The following CCDC148 variants were observed in gnomAD, a reference collection of about 807,000 sequenced individuals.
CCDC148 encodes coiled-coil domain-containing protein 148.
A neutral mutation model predicts 85.7 loss-of-function variants in CCDC148; 89 were observed. That is an observed-to-expected ratio of 1.04 (90% CI 0.87 to 1.24). CCDC148 has a LOEUF of 1.24. Among genes scored for constraint, CCDC148 ranks in the 50% most tolerant of loss-of-function variants. The pLI is 0.00. For synonymous variants in CCDC148, 230 were observed against 213.9 expected, an observed-to-expected ratio of 1.08 and a Z score of -0.66; for missense variants, 692 against 671.7, an observed-to-expected ratio of 1.03 and a Z score of -0.33.
chr2:158,297,045 A>C (rs1691222282), intron 9 of CCDC148, among the ~76,000 whole-genome samples: 1 of 152,200 alleles, frequency 6.6e-6, no homozygotes, highest in Non-Finnish European at 1.5e-5. Flanking sequence ...GGAAGCCGAT[A>C]ATGCAAGAAA....
intron 1 of CCDC148, among the ~76,000 whole-genome samples, chr2:158,441,853 T>C (rs913914974): frequency 4.6e-5 from 7 of 152,194 alleles, no homozygotes; most frequent in Admixed American, 2.0e-4. Context: ...CTAAGTACCA[T>C]TGAATTTTAA....
chr2:158,262,713 T>C (rs1395995621), intron 9 of CCDC148, among the ~76,000 whole-genome samples: 1 of 151,738 alleles, frequency 6.6e-6, no homozygotes, highest in Non-Finnish European at 1.5e-5. Context: ...CCATCAGATC[T>C]CATGAGAACT....
chr2:158,348,763 A>G (rs1462911659), intron 2 of CCDC148, among the ~76,000 whole-genome samples: 1 of 152,098 alleles, frequency 6.6e-6, no homozygotes, highest in Non-Finnish European at 1.5e-5. Flanking sequence ...ATGATGTGAC[A>G]TGGAGATTCA....
chr2:158,418,106 T>G lies in CCDC148; in HGVS notation c.25+38309A>C, dbSNP rs570802243. 9.5e-4 allele frequency among the ~76,000 whole-genome samples: 144 copies of G among 152,142 alleles called. 1 individual carries two copies. The highest frequency in any genetic ancestry group is 3.4e-3 in the African/African-American group (141 of 41,538). ...GTAAAAATCCCTTGAGTGTTTTTTT[T>G]TTTAGTTTTCTGGAAAGAACATCAC... On this transcript the variant is annotated intron_variant, in intron 1 of 13. Coordinates refer to ENST00000283233, the MANE Select transcript of CCDC148 (RefSeq NM_138803.4).
At chr2:158,332,646 G>A (rs1412790345) in intron 7 of CCDC148, among the ~76,000 whole-genome samples, 3 of 151,740 alleles carry the variant, frequency 2.0e-5, no homozygotes, top group African/African-American at 7.3e-5. Flanking sequence ...GAATTTGGCT[G>A]TGAATCCATC....
intron 1 of CCDC148, among the ~76,000 whole-genome samples, chr2:158,439,126 G>T (rs1687812331): frequency 6.6e-6 from 1 of 152,116 alleles, no homozygotes; most frequent in East Asian, 1.9e-4. Flanking sequence ...CCATTACTGG[G>T]TATATACCCA....
intron 10 of CCDC148, among the ~76,000 whole-genome samples, chr2:158,245,296 A>G (rs1037558670): frequency 6.6e-6 from 1 of 152,172 alleles, no homozygotes; most frequent in Non-Finnish European, 1.5e-5. Context: ...CCAAGTGCCA[A>G]TGTTCTACCA....
chr2:158,195,845 CAG>C (rs1408206775), intron 11 of CCDC148, among the ~76,000 whole-genome samples: 3 of 152,150 alleles, frequency 2.0e-5, no homozygotes, highest in Admixed American at 6.6e-5. Context: ...AGGACAAGTG[CAG>C]AGTGTCCAGT....
chr2:158,350,902 A>C (rs1337040528), intron 2 of CCDC148, among the ~76,000 whole-genome samples: 1 of 152,066 alleles, frequency 6.6e-6, no homozygotes, highest in Admixed American at 6.6e-5. Context: ...GAGTATATTC[A>C]ACAGCCTCTC....
intron 1 of CCDC148, among the ~76,000 whole-genome samples, chr2:158,387,089 A>G (rs1431059898): frequency 6.6e-6 from 1 of 152,118 alleles, no homozygotes; most frequent in Non-Finnish European, 1.5e-5. Flanking sequence ...CTGTCACAAC[A>G]TAATTTTCCA....
intron 1 of CCDC148, among the ~76,000 whole-genome samples, chr2:158,434,559 G>A (rs569076816): frequency 1.5e-4 from 23 of 152,138 alleles, no homozygotes; most frequent in East Asian, 1.3e-3. Context: ...AAATCAGAGT[G>A]CCTCTTCTCC....
chr2:158,381,163 G>C (rs571792735), intron 1 of CCDC148, among the ~76,000 whole-genome samples: 26 of 152,258 alleles, frequency 1.7e-4, no homozygotes, highest in African/African-American at 6.0e-4. Context: ...CATTAAGGGA[G>C]TGAAAAGGGA....
At chr2:158,295,359 C>A (rs1371059547) in intron 9 of CCDC148, among the ~76,000 whole-genome samples, 1 of 152,156 alleles carries the variant, frequency 6.6e-6, no homozygotes, top group Admixed American at 6.5e-5. Flanking sequence ...AGGGAATCCT[C>A]CCTAACTCAT....
rs375554012 is a variant in CCDC148 at position 158,433,261 on chromosome 2, A to AAT, written c.25+23152_25+23153dup. 3.1e-3 allele frequency among the ~76,000 whole-genome samples: 381 copies of AAT among 122,560 alleles called. 12 individuals carry two copies. Among genetic ancestry groups the AAT allele is most frequent in the African/African-American group, 8.8e-3 (303 of 34,620 alleles). The allele number at this position is 122,560 out of a possible 152,430, so 80.4% of individuals were successfully genotyped here. ...GGCAACAGAGTAAGTCCTTGACTCA[A>AAT]ATATATATATATATATAAAACAAAA... On this transcript the variant is annotated intron_variant, in intron 1 of 13. Coordinates refer to ENST00000283233, the MANE Select transcript of CCDC148 (RefSeq NM_138803.4).
chr2:158,179,166 ATTT>A (rs10699879), intron 11 of CCDC148, among the ~76,000 whole-genome samples, 170 bp from the exon 12 acceptor site: 8 of 82,806 alleles, frequency 9.7e-5, no homozygotes, highest in Admixed American at 3.9e-4. Flanking sequence ...ATAAAATGCA[ATTT>A]TTTTTTTTTT....
chr2:158,217,393 TAC>T (rs72202074), intron 11 of CCDC148, among the ~76,000 whole-genome samples: 73,954 of 134,526 alleles, frequency 0.55, 21,647 homozygotes, highest in South Asian at 0.67. Flanking sequence ...TATATATATA[TAC>T]ACACACACAT....
intron 1 of CCDC148, among the ~76,000 whole-genome samples, chr2:158,372,480 A>G (rs1220216228): frequency 2.0e-5 from 3 of 151,998 alleles, no homozygotes; most frequent in Non-Finnish European, 4.4e-5. Flanking sequence ...ATCTTCCTAC[A>G]TGACTTGCCA....
chr2:158,264,765 G>A (rs1284605064), intron 9 of CCDC148, among the ~76,000 whole-genome samples: 1 of 152,062 alleles, frequency 6.6e-6, no homozygotes, highest in Non-Finnish European at 1.5e-5. Context: ...TTTCCAAATA[G>A]ATACTAAAAA....
chr2:158,419,599 G>A (rs576812321), intron 1 of CCDC148, among the ~76,000 whole-genome samples: 17 of 152,156 alleles, frequency 1.1e-4, no homozygotes, highest in Middle Eastern at 3.4e-3. Context: ...TGCTTGTTTT[G>A]GAGATTAGTA....
Sources: allele counts gnomAD v4.1 joint callset (sites outside exome capture counted in the v4.1 genomes callset), GRCh38; gene constraint gnomAD v4.1.1; transcripts MANE v1.5; gene names NCBI Gene and HGNC (gene_info 2026-07-23, HGNC 2026-07-21).